Variants in SMOC1 observed in about 807,000 individuals in gnomAD.
SMOC1 encodes SPARC related modular calcium binding 1, also known as SPARC-related modular calcium-binding protein 1.
In SMOC1, 22 loss-of-function variants were observed where a neutral mutation model predicts 56.3. The ratio of observed to expected loss-of-function variants is 0.39; its 90% CI spans 0.28 to 0.56. The LOEUF (loss-of-function observed/expected upper bound fraction) is 0.56. SMOC1 is among the 20% of genes least tolerant of loss of function. The pLI, the probability that SMOC1 is intolerant of heterozygous loss-of-function variation, is 0.61. For synonymous variants in SMOC1, 193 were observed against 215.0 expected (o/e 0.90, Z 0.89); for missense variants, 509 against 565.4 (o/e 0.90, Z 1.01).
chr14:69,879,957 C>A (rs1883590347), intron 1 of SMOC1, among the ~76,000 whole-genome samples, 180 bp downstream of exon 1: 1 of 152,170 alleles, frequency 6.6e-6, no homozygotes, highest in Non-Finnish European at 1.5e-5. Context: ...CCCATTGGAG[C>A]CACCACCACT....
rs1000989564 is a variant in SMOC1 at position 70,004,255 on chromosome 14, T to C, written c.665-6499T>C. Among the ~76,000 whole-genome samples, 3 of 152,226 alleles carry C rather than the reference T, an allele frequency of 2.0e-5. No homozygotes were observed. The South Asian group carries it at 6.2e-4, about 32-fold the overall frequency. Reference sequence around the variant, plus strand: ...GGTTCTCTGTAAGATTAGCCTTTTTTCTTGCACTTATTTTTCAGATGGACT... The same window carrying C: ...GGTTCTCTGTAAGATTAGCCTTTTTCCTTGCACTTATTTTTCAGATGGACT... On this transcript the variant is annotated intron_variant, in intron 7 of 11. Coordinates refer to ENST00000361956, the MANE Select transcript of SMOC1 (RefSeq NM_001034852.3).
intron 1 of SMOC1, among the ~76,000 whole-genome samples, chr14:69,894,116 C>G (rs1441238481): frequency 6.6e-6 from 1 of 152,110 alleles, no homozygotes; most frequent in African/African-American, 2.4e-5. Context: ...TTATGGCAGC[C>G]CTAGCAAACT....
chr14:69,905,175 T>C (rs187823805), intron 1 of SMOC1, among the ~76,000 whole-genome samples: 1 of 152,226 alleles, frequency 6.6e-6, no homozygotes, highest in East Asian at 1.9e-4. Flanking sequence ...TGGCAACACA[T>C]AGGACATAGG....
At chr14:69,892,704 G>A (rs889123767) in intron 1 of SMOC1, among the ~76,000 whole-genome samples, 1 of 151,958 alleles carries the variant, frequency 6.6e-6, no homozygotes, top group Non-Finnish European at 1.5e-5. Context: ...CTATTCCCCT[G>A]CTCAGATTAT....
intron 1 of SMOC1, among the ~76,000 whole-genome samples, chr14:69,920,614 T>C (rs1040471714): frequency 3.9e-5 from 6 of 152,210 alleles, no homozygotes; most frequent in African/African-American, 1.4e-4. Context: ...CAGGTAAGGA[T>C]ACAACGACAA....
At chr14:70,011,867 G>C (rs563290546) in intron 9 of SMOC1, among the ~76,000 whole-genome samples, 1 of 152,210 alleles carries the variant, frequency 6.6e-6, no homozygotes, top group Non-Finnish European at 1.5e-5. Context: ...TGAGCACTGT[G>C]AGTTATTTTT....
At chr14:69,903,060 C>T (rs1388047106) in intron 1 of SMOC1, among the ~76,000 whole-genome samples, 10 of 151,794 alleles carry the variant, frequency 6.6e-5, no homozygotes, top group African/African-American at 2.4e-4. Context: ...AAGTGAGGAG[C>T]GTCTCTGCCT....
At chr14:69,956,533 G>A (rs984845661) in intron 3 of SMOC1, among the ~76,000 whole-genome samples, 2 of 146,190 alleles carry the variant, frequency 1.4e-5, no homozygotes, top group East Asian at 2.0e-4. Flanking sequence ...TGATATGCAC[G>A]CATCCCGGTA....
At chr14:69,944,033 C>T (rs1377600502) in intron 1 of SMOC1, among the ~76,000 whole-genome samples, 2 of 152,188 alleles carry the variant, frequency 1.3e-5, no homozygotes, top group Non-Finnish European at 2.9e-5. Context: ...TAACCTTGCC[C>T]AGCCTCGGTT....
chr14:69,977,503 C>T (rs1373045858), intron 4 of SMOC1, among the ~76,000 whole-genome samples: 1 of 152,188 alleles, frequency 6.6e-6, no homozygotes, highest in Non-Finnish European at 1.5e-5. Flanking sequence ...ATTGCCTTTG[C>T]AGTAAAAGGG....
At chr14:69,927,535 G>T (rs1475053806) in intron 1 of SMOC1, among the ~76,000 whole-genome samples, 1 of 152,172 alleles carries the variant, frequency 6.6e-6, no homozygotes, top group Non-Finnish European at 1.5e-5. Flanking sequence ...AATTAGCTGG[G>T]TGTGGTGGTG....
At position 69,881,836 on chromosome 14, in the gene SMOC1, C is replaced by T. The variant is rs535300086; in HGVS notation, c.99+2059C>T. On this transcript the variant is annotated intron_variant, in intron 1 of 11. Transcript: ENST00000361956. ...TGGGCACTTTACATGATCTCTTACT[C>T]GAACGAGAACAAGAAGTTGGGTCTT... Among the ~76,000 whole-genome samples the T allele has an allele frequency of 1.4e-4, 21 of 152,212 alleles. No individual in the cohort carries two copies. In the East Asian group the frequency reaches 1.9e-3, roughly 14 times the overall value.
intron 11 of SMOC1, among the ~76,000 whole-genome samples, chr14:70,028,513 C>G (rs903685292): frequency 6.6e-6 from 1 of 152,200 alleles, no homozygotes; most frequent in Non-Finnish European, 1.5e-5. Flanking sequence ...CAAATAAAGT[C>G]GCTCTGAGGA....
chr14:69,942,434 A>G (rs1882598712), intron 1 of SMOC1, among the ~76,000 whole-genome samples: 1 of 152,018 alleles, frequency 6.6e-6, no homozygotes, highest in Non-Finnish European at 1.5e-5. Context: ...CTGAGTTGTA[A>G]TTTGCGTGGA....
chr14:69,914,865 TATTCATTC>T (rs10699853), intron 1 of SMOC1, among the ~76,000 whole-genome samples: 190 of 149,420 alleles, frequency 1.3e-3, no homozygotes, highest in Non-Finnish European at 1.9e-3. Flanking sequence ...TAATTTATTT[TATTCATTC>T]ATTCATTCAT....
intron 1 of SMOC1, among the ~76,000 whole-genome samples, chr14:69,920,695 A>G (rs1161076847): frequency 6.6e-6 from 1 of 152,176 alleles, no homozygotes; most frequent in African/African-American, 2.4e-5. Flanking sequence ...TAATCATGCA[A>G]ATAAAATAAA....
intron 11 of SMOC1, among the ~76,000 whole-genome samples, chr14:70,026,082 A>G (rs953146362): frequency 3.3e-5 from 5 of 152,356 alleles, no homozygotes; most frequent in Admixed American, 6.5e-5. Flanking sequence ...CTGGTAATTC[A>G]TTAAGTCCTT....
chr14:69,998,451 G>A (rs1177104901), intron 7 of SMOC1, among the ~76,000 whole-genome samples: 1 of 151,496 alleles, frequency 6.6e-6, no homozygotes, highest in Non-Finnish European at 1.5e-5. Flanking sequence ...TTAAATCAGG[G>A]GTTGGCTACC....
chr14:70,024,073 C>T (rs1885836795), intron 11 of SMOC1, among the ~76,000 whole-genome samples: 1 of 152,104 alleles, frequency 6.6e-6, no homozygotes, highest in South Asian at 2.1e-4. Flanking sequence ...ATTTCACTGA[C>T]CAGAGCTCGG....
Sources: gnomAD v4.1 joint callset for allele counts (sites outside exome capture counted in the v4.1 genomes callset) on GRCh38, gnomAD v4.1.1 for gene constraint, MANE v1.5 for transcripts, NCBI Gene and HGNC (gene_info 2026-07-23, HGNC 2026-07-21) for gene names.